STRN4: variants seen among roughly 807,000 people sequenced by gnomAD.
STRN4 encodes the protein striatin-4.
STRN4 carries 27 observed loss-of-function variants against 77.9 expected under a neutral mutation model. That is an observed-to-expected ratio of 0.35 (90% CI 0.26 to 0.48). STRN4 has a LOEUF of 0.48. Ranked by LOEUF, STRN4 falls within the 20% of genes least tolerant of loss-of-function variation. The probability of loss-of-function intolerance (pLI) is 0.99; values close to 1 mark genes in which losing one functional copy is unlikely to be tolerated. For missense variants in STRN4, 798 were observed against 1,049.7 expected (o/e 0.76, Z 3.31); for synonymous variants, 466 against 443.1 (o/e 1.05, Z -0.65).
intron 1 of STRN4, among the ~76,000 whole-genome samples, chr19:46,743,240 G>C (rs1337409212): frequency 6.6e-6 from 1 of 151,972 alleles, no homozygotes; most frequent in African/African-American, 2.4e-5. Flanking sequence ...ATATATATGT[G>C]TATACACACA....
In STRN4 at chr19:46,733,258, TG is replaced by T; in HGVS notation, c.540-23del. 4.4e-6 allele frequency: 7 copies of T among 1,603,746 alleles called. No homozygotes were observed. The South Asian group carries it at 5.5e-5, about 13-fold the overall frequency. On this transcript the variant is annotated intron_variant, in intron 4 of 17. Transcript: ENST00000263280. This position sits in a 1 kb window ranked among gnomAD's most constrained non-coding sequence, Gnocchi z 4.3. Reference sequence around the variant, plus strand: ...GTACCTGCAGGGGTGCAGAGCCACGTGGGTCAGACATCCCCTGGGCTTCTTC... The same window carrying T: ...GTACCTGCAGGGGTGCAGAGCCACGTGGTCAGACATCCCCTGGGCTTCTTC...
intron 5 of STRN4, chr19:46,731,923 C>A (rs917493168): frequency 6.6e-6 from 1 of 152,276 alleles, no homozygotes; most frequent in Non-Finnish European, 1.5e-5. Context: ...TGTTTAGGGG[C>A]CAAATGCCCC....
chr19:46,730,686 G>T, intron 6 of STRN4, 46 bp downstream of exon 6: 1 of 1,605,248 alleles, frequency 6.2e-7, no homozygotes. Flanking sequence ...GCTTCGATCA[G>T]GTCACACCCA....
At position 46,723,127 on chromosome 19, in the gene STRN4, G is replaced by A. The variant is rs1159666490; in HGVS notation, c.1752C>T (p.Phe584=). ...SSSSPACLCT[F]PTASEHGVPT... ...GCCCCCACTCACCGCTGGCTGTGGG[G>A]AAGGTGCAGAGGCAGGCCGGGCTGC... Residue 584 remains phenylalanine (F), a synonymous_variant, in exon 13 of 18, where the codon TTC becomes TTT. Transcript: ENST00000263280. The surrounding 1 kb of genome is among the most constrained non-coding windows in gnomAD (Gnocchi z 5.5). 6.4e-7 allele frequency: 1 copy of A among 1,567,210 alleles called. No homozygotes were observed. The highest frequency in any genetic ancestry group is 8.6e-7 in the Non-Finnish European group (1 of 1,156,684).
chr19:46,725,210 G>T, intron 11 of STRN4, 122 bp downstream of exon 11: 1 of 1,359,628 alleles, frequency 7.4e-7, no homozygotes. Context: ...GAAGGGGGCG[G>T]GGACTCAGAG....
rs897767962 is a variant in STRN4 at position 46,741,954 on chromosome 19, C to T, written c.283-3066G>A. On this transcript the variant is annotated intron_variant, in intron 1 of 17. Transcript: ENST00000263280. This position sits in a 1 kb window ranked among gnomAD's most constrained non-coding sequence, Gnocchi z 4.9. ...GGCAGCTCCGCACATTCTCTGCTGG[C>T]ACCGCACTCACTGCAGGTCCCTGTC... 1.3e-5 allele frequency among the ~76,000 whole-genome samples: 2 copies of T among 152,234 alleles called. No homozygotes were observed. The highest frequency in any genetic ancestry group is 4.8e-5 in the African/African-American group (2 of 41,462).
intron 9 of STRN4, among the ~76,000 whole-genome samples, chr19:46,727,014 A>T (rs1287532403): frequency 6.6e-6 from 1 of 152,140 alleles, no homozygotes; most frequent in Non-Finnish European, 1.5e-5. Flanking sequence ...ATTCTGTCAC[A>T]GTAAAATGTG....
intron 1 of STRN4, among the ~76,000 whole-genome samples, chr19:46,742,270 A>T (rs2054488435): frequency 6.6e-6 from 1 of 152,122 alleles, no homozygotes; most frequent in Non-Finnish European, 1.5e-5. Flanking sequence ...ACTTATGGTG[A>T]CTACTGGCAG....
chr19:46,737,373 C>T (rs755191716), intron 3 of STRN4, among the ~76,000 whole-genome samples: 3 of 152,350 alleles, frequency 2.0e-5, no homozygotes, highest in East Asian at 1.9e-4. Context: ...TGGGCATCTA[C>T]GCTGTGCCTG....
chr19:46,745,552 C>A (rs2054568540), intron 1 of STRN4, among the ~76,000 whole-genome samples: 1 of 152,130 alleles, frequency 6.6e-6, no homozygotes, highest in South Asian at 2.1e-4. Flanking sequence ...CTTCCTCTCC[C>A]TAAATCCTCC....
intron 1 of STRN4, among the ~76,000 whole-genome samples, chr19:46,743,798 G>A (rs530465073): frequency 5.4e-4 from 82 of 152,126 alleles, no homozygotes; most frequent in Admixed American, 1.6e-3. Flanking sequence ...AGCTACTTGC[G>A]AGGCTGAGGC....
Position 46,733,304 on chromosome 19 carries a change from G to A in STRN4, c.540-68C>T. 2 of 1,504,366 alleles carry A rather than the reference G, an allele frequency of 1.3e-6. No homozygotes were observed. Among genetic ancestry groups the A allele is most frequent in the Non-Finnish European group, 1.8e-6 (2 of 1,109,376 alleles). 93.2% of individuals were successfully genotyped at this position (1,504,366 alleles called of 1,614,324 possible). A position where few individuals can be genotyped will look rare whatever the true frequency, so the allele number is the denominator to read the frequency against. ...TTCTTCATGTACCACAGGGGCCAAT[G>A]CAAACCGAGACAACCTCTTAAGGGG... On this transcript the variant is annotated intron_variant, in intron 4 of 17. Transcript: ENST00000263280. This position sits in a 1 kb window ranked among gnomAD's most constrained non-coding sequence, Gnocchi z 4.3.
In STRN4 at chr19:46,720,597, G is replaced by A. The variant is rs371802963; in HGVS notation, c.*5C>T. The A allele has an allele frequency of 6.4e-5, 100 of 1,565,182 alleles. No individual in the cohort carries two copies. The highest frequency in any genetic ancestry group is 8.3e-5 in the Non-Finnish European group (95 of 1,150,604). On this transcript the variant is annotated 3_prime_UTR_variant, in exon 17 of 18. Coordinates refer to ENST00000263280, the MANE Select transcript of STRN4 (RefSeq NM_013403.3). The stretch of plus-strand genomic sequence containing the variant: ...CGTGGCGGCCAGGGCAGGGCCAGGT[G>A]GGCATCATACGAAGACCTTGGCCAG...
In STRN4 at chr19:46,730,761, T is replaced by C. The variant is rs767554264; in HGVS notation, c.850A>G (p.Ser284Gly). The change falls in exon 6 of 18, where the codon AGC becomes GGC. Residue 284 changes from serine (S) to glycine (G), a missense_variant. Around this residue, in one of 2 missense-constraint regions of STRN4, gnomAD observed 511 missense variants for 575.9 expected, o/e 0.89. Transcript: ENST00000263280. Reference sequence around the variant, plus strand: ...ACACGCTGCTTCTTGTGCTGCACGCTGTCCAGCTCATCGTCCTCGTCGCTG... The same window carrying C: ...ACACGCTGCTTCTTGTGCTGCACGCCGTCCAGCTCATCGTCCTCGTCGCTG... ...EDSDEDDELD[S>G]VQHKKQRVKL... 76 of 1,612,726 alleles carry C rather than the reference T, an allele frequency of 4.7e-5. No homozygotes were observed. Among genetic ancestry groups the C allele is most frequent in the Non-Finnish European group, 6.3e-5 (74 of 1,180,030 alleles).
intron 7 of STRN4, chr19:46,728,354 C>A: frequency 1.7e-6 from 1 of 591,416 alleles, no homozygotes; most frequent in East Asian, 2.9e-5. Context: ...CCAGCCAGAG[C>A]TGGACGCCCG....
At chr19:46,730,580 TG>T in intron 6 of STRN4, 151 bp downstream of exon 6, 1 of 1,230,484 alleles carries the variant, frequency 8.1e-7, no homozygotes, top group Non-Finnish European at 1.1e-6. Context: ...AGGCCGCTGC[TG>T]GCCACAAGCT....
At chr19:46,722,372 T>C in intron 14 of STRN4, 32 bp from the exon 15 acceptor site, 3 of 1,602,222 alleles carry the variant, frequency 1.9e-6, no homozygotes, top group Non-Finnish European at 2.6e-6. Flanking sequence ...GGGAAGGATG[T>C]CAAGCAGAAA....
chr19:46,736,823 T>C lies in STRN4; in HGVS notation c.539A>G (p.Gln180Arg), dbSNP rs780462906. The C allele has an allele frequency of 8.7e-6, 14 of 1,610,254 alleles. 1 individual carries two copies. The highest frequency in any genetic ancestry group is 1.6e-4 in the Middle Eastern group (1 of 6,074). ...VWKEGRQLLR[Q>R]YLEEVGYTDT... ...AGCCCCCCTCCCCGAGCACACTCACTGTCGGAGAAGCTGCCGCCCCTCCTT... is the reference window on the plus strand; with the variant it reads ...AGCCCCCCTCCCCGAGCACACTCACCGTCGGAGAAGCTGCCGCCCCTCCTT... Residue 180 changes from glutamine (Q) to arginine (R), a missense_variant and splice_region_variant, in exon 4 of 18, where the codon CAG becomes CGG. Gln to Arg is a conservative substitution (Grantham distance 43). Around this residue, in one of 2 missense-constraint regions of STRN4, gnomAD observed 511 missense variants for 575.9 expected, o/e 0.89. Transcript: ENST00000263280.
At chr19:46,728,344 C>T (rs1473674097) in intron 7 of STRN4, 3 of 586,954 alleles carry the variant, frequency 5.1e-6, no homozygotes, top group Non-Finnish European at 9.1e-6. Context: ...CTCCTTGAGG[C>T]CAGCCAGAGC....
Sources: allele counts gnomAD v4.1 joint callset (sites outside exome capture counted in the v4.1 genomes callset), GRCh38; gene constraint gnomAD v4.1.1; regional missense constraint gnomAD v4.1.1; non-coding constraint Gnocchi (gnomAD v3.1); transcripts MANE v1.5; gene names NCBI Gene and HGNC (gene_info 2026-07-23, HGNC 2026-07-21).